Variants in RMST observed in about 807,000 individuals in gnomAD.
The protein encoded by RMST is rhabdomyosarcoma 2 associated transcript.
chr12:97,476,206 A>G (rs900318021), intron 5 of RMST, among the ~76,000 whole-genome samples: 1 of 151,948 alleles, frequency 6.6e-6, no homozygotes, highest in Non-Finnish European at 1.5e-5. Context: ...TTTATAGCCT[A>G]AAAGAATTTT....
At chr12:97,478,885 G>A (rs1345698631) in intron 5 of RMST, among the ~76,000 whole-genome samples, 1 of 152,036 alleles carries the variant, frequency 6.6e-6, no homozygotes, top group African/African-American at 2.4e-5. Context: ...AGGGCAAATT[G>A]CTCCCAAATT....
intron 5 of RMST, among the ~76,000 whole-genome samples, chr12:97,482,607 A>G (rs1377607167): frequency 4.9e-5 from 7 of 143,270 alleles, no homozygotes; most frequent in Non-Finnish European, 1.0e-4. Flanking sequence ...TTTAAAATTT[A>G]TTTATTATTT....
At chr12:97,477,741 G>C (rs574438125) in intron 5 of RMST, among the ~76,000 whole-genome samples, 2 of 152,286 alleles carry the variant, frequency 1.3e-5, no homozygotes, top group South Asian at 2.1e-4. Flanking sequence ...GGAAGAGAAA[G>C]GATAAGGTTA....
intron 10 of RMST, among the ~76,000 whole-genome samples, chr12:97,497,115 G>T (rs73224514): frequency 7.3e-4 from 111 of 152,208 alleles, no homozygotes; most frequent in Admixed American, 3.5e-3. Flanking sequence ...GCTTGGTTTT[G>T]TATTCTATGA....
chr12:97,472,098 C>T (rs746591037), intron 5 of RMST, among the ~76,000 whole-genome samples: 2 of 152,042 alleles, frequency 1.3e-5, no homozygotes, highest in African/African-American at 2.4e-5. Flanking sequence ...CTGTAAGTGA[C>T]GCACGAATAA....
chr12:97,534,217 A>G (rs1172668850), intron 11 of RMST, among the ~76,000 whole-genome samples: 2 of 151,812 alleles, frequency 1.3e-5, no homozygotes, highest in African/African-American at 2.4e-5. Context: ...TGAGTTGTCA[A>G]ACTTTAAAAA....
chr12:97,463,239 G>C (rs1025818042), exon 4 of RMST: 1 of 152,240 alleles, frequency 6.6e-6, no homozygotes, highest in African/African-American at 2.4e-5. Context: ...TGGCGAGAGG[G>C]GGCACCGGAG....
At chr12:97,467,859 G>C (rs1359067299) in intron 5 of RMST, among the ~76,000 whole-genome samples, 1 of 152,040 alleles carries the variant, frequency 6.6e-6, no homozygotes, top group Non-Finnish European at 1.5e-5. Flanking sequence ...AATTGTGTAT[G>C]AAGTGCTAAA....
chr12:97,511,305 C>T (rs187191063), intron 10 of RMST, among the ~76,000 whole-genome samples: 1 of 152,164 alleles, frequency 6.6e-6, no homozygotes, highest in East Asian at 1.9e-4. Flanking sequence ...CGTGCCACTA[C>T]ATGCTGCTGA....
Position 97,470,699 on chromosome 12 carries a change from G to A in RMST, n.644+4972G>A, listed in dbSNP as rs548342809. On this transcript the variant is annotated intron_variant and non_coding_transcript_variant, in intron 5 of 13. Coordinates refer to ENST00000640149, the Ensembl canonical transcript of RMST. ...CTAAGGGAAAGTGCAATTGTGTTGT[G>A]TTTGTGTGTTTTCCATCACAATTCA... 2.6e-5 allele frequency among the ~76,000 whole-genome samples: 4 copies of A among 152,074 alleles called. No individual in the cohort carries two copies. In the South Asian group the frequency reaches 8.3e-4, roughly 32 times the overall value.
At chr12:97,470,534 C>A (rs1230638541) in intron 5 of RMST, among the ~76,000 whole-genome samples, 1 of 151,750 alleles carries the variant, frequency 6.6e-6, no homozygotes, top group African/African-American at 2.4e-5. Flanking sequence ...CTTTAAAGAT[C>A]TTTAAATATT....
intron 10 of RMST, among the ~76,000 whole-genome samples, chr12:97,526,107 A>G (rs1881084902): frequency 6.6e-6 from 1 of 152,034 alleles, no homozygotes. Flanking sequence ...TAATTATTTC[A>G]TTATATATTA....
intron 10 of RMST, among the ~76,000 whole-genome samples, chr12:97,511,467 C>G (rs978063058): frequency 6.6e-6 from 1 of 152,168 alleles, no homozygotes; most frequent in Non-Finnish European, 1.5e-5. Context: ...ACAAATTACC[C>G]TAGAGAGTTT....
chr12:97,498,330 G>T (rs1185705879), intron 10 of RMST, among the ~76,000 whole-genome samples: 1 of 152,166 alleles, frequency 6.6e-6, no homozygotes, highest in Admixed American at 6.5e-5. Context: ...GGTTGAACCA[G>T]AATTGGACTG....
intron 10 of RMST, among the ~76,000 whole-genome samples, chr12:97,497,472 T>A (rs1402716441): frequency 3.3e-5 from 5 of 152,200 alleles, no homozygotes; most frequent in Non-Finnish European, 7.3e-5. Context: ...CTTCTCTGTT[T>A]AAGTATAGCA....
chr12:97,463,031 C>CTCTCTCTT (rs1872753849), intron 3 of RMST: 3 of 103,594 alleles, frequency 2.9e-5, no homozygotes, highest in Non-Finnish European at 6.8e-5. Flanking sequence ...CTCTCTCTCT[C>CTCTCTCTT]TCTCTCTCTC....
intron 10 of RMST, among the ~76,000 whole-genome samples, chr12:97,513,661 T>A (rs1016792271): frequency 1.3e-5 from 2 of 152,214 alleles, no homozygotes; most frequent in African/African-American, 4.8e-5. Context: ...CTACAGTAAA[T>A]TAGAACTGCA....
intron 11 of RMST, among the ~76,000 whole-genome samples, chr12:97,556,782 GTC>G (rs753692153): frequency 7.9e-5 from 12 of 152,000 alleles, no homozygotes; most frequent in Non-Finnish European, 1.6e-4. Flanking sequence ...CCTTTTAAGA[GTC>G]TGCATTTTCT....
chr12:97,546,200 G>C (rs891715454), intron 11 of RMST, among the ~76,000 whole-genome samples: 1 of 152,002 alleles, frequency 6.6e-6, no homozygotes, highest in South Asian at 2.1e-4. Context: ...CTATTTTTGA[G>C]GACTTTTAAT....
Sources: allele counts gnomAD v4.1 joint callset (sites outside exome capture counted in the v4.1 genomes callset), GRCh38; gene constraint gnomAD v4.1.1; transcripts MANE v1.5; gene names NCBI Gene and HGNC (gene_info 2026-07-23, HGNC 2026-07-21).